The following TENT5D variants were observed in gnomAD, a reference collection of about 807,000 sequenced individuals.
TENT5D encodes cancer/testis antigen 112.
For missense variants in TENT5D, 191 were observed against 287.0 expected, an observed-to-expected ratio of 0.67 and a Z score of 2.42; for synonymous variants, 103 against 100.6, an observed-to-expected ratio of 1.02 and a Z score of -0.15.
chrX:80,394,869 G>C (rs1396957023), intron 3 of TENT5D, among the ~76,000 whole-genome samples: 1 of 111,437 alleles, frequency 9.0e-6, no homozygotes, highest in African/African-American at 3.3e-5. Context: ...TTTGTAGTGA[G>C]AATATTCAAA....
intron 3 of TENT5D, among the ~76,000 whole-genome samples, chrX:80,360,998 A>G (rs1209818066): frequency 9.0e-6 from 1 of 111,604 alleles, no homozygotes; most frequent in African/African-American, 3.3e-5. Flanking sequence ...CAAGTGCCAT[A>G]TACAATATTT....
intron 2 of TENT5D, among the ~76,000 whole-genome samples, chrX:80,439,074 A>G (rs1439925369): frequency 9.0e-6 from 1 of 111,559 alleles, no homozygotes; most frequent in Non-Finnish European, 1.9e-5. Context: ...AAGGATAAGT[A>G]TATTGGGAGA....
At chrX:80,382,981 C>T (rs947211524) in intron 3 of TENT5D, among the ~76,000 whole-genome samples, 6 of 111,851 alleles carry the variant, frequency 5.4e-5, no homozygotes, top group Admixed American at 9.5e-5. Flanking sequence ...TGCTTCAGCT[C>T]GCCTTCCATG....
chrX:80,430,374 CT>C (rs754089114), intron 1 of TENT5D, among the ~76,000 whole-genome samples: 5 of 111,226 alleles, frequency 4.5e-5, no homozygotes, highest in Non-Finnish European at 9.4e-5. Context: ...GATGATATGA[CT>C]GCTGGGAGCC....
At chrX:80,351,205 G>A (rs1324048563) in intron 3 of TENT5D, among the ~76,000 whole-genome samples, 3 of 110,467 alleles carry the variant, frequency 2.7e-5, no homozygotes, top group African/African-American at 9.9e-5. Flanking sequence ...GCTAGGTTGG[G>A]GAAGTTCTCC....
intron 3 of TENT5D, among the ~76,000 whole-genome samples, chrX:80,379,198 G>A (rs1391063442): frequency 9.6e-6 from 1 of 104,659 alleles, no homozygotes; most frequent in Non-Finnish European, 2.0e-5. Flanking sequence ...GCATTCTATT[G>A]AGATAATCAT....
intron 3 of TENT5D, among the ~76,000 whole-genome samples, chrX:80,350,542 C>T (rs749914148): frequency 9.0e-6 from 1 of 110,980 alleles, no homozygotes; most frequent in East Asian, 2.8e-4. Context: ...CTATCTGTGT[C>T]TTTGCACGTG....
At chrX:80,335,588 T>C (rs1929831123) in intron 1 of TENT5D, 1 of 111,996 alleles carries the variant, frequency 8.9e-6, no homozygotes, top group South Asian at 3.7e-4. Flanking sequence ...GCCAACCTTC[T>C]AGTTCTTTCT....
In TENT5D at chrX:80,347,237, C is replaced by T. The variant is rs749282433; in HGVS notation, c.-142+4673C>T. Among the ~76,000 whole-genome samples, 3 of 111,348 alleles carry T rather than the reference C, an allele frequency of 2.7e-5. No homozygotes were observed. The South Asian group carries it at 1.1e-3, about 42-fold the overall frequency. ...CAAATGGTATTCCTGGTTCTAGATC[C>T]TTGAGGAATTGCCACACTTTCTTCC... On this transcript the variant is annotated intron_variant, in intron 3 of 4. Transcript: ENST00000538312.
chrX:80,340,018 CTTGAG>C (rs1430180054), intron 2 of TENT5D, among the ~76,000 whole-genome samples: 2 of 109,795 alleles, frequency 1.8e-5, no homozygotes, highest in African/African-American at 6.6e-5. Flanking sequence ...TTTATTATTA[CTTGAG>C]TTGATTGATT....
At chrX:80,445,244 A>G (rs961542286) in exon 3 of TENT5D, 1 of 122,812 alleles carries the variant, frequency 8.1e-6, no homozygotes, top group Non-Finnish European at 1.9e-5. Flanking sequence ...AGGCTTTAAA[A>G]CACTATGGAC....
chrX:80,396,892 C>CA (rs1931262412), intron 3 of TENT5D, among the ~76,000 whole-genome samples: 1 of 88,607 alleles, frequency 1.1e-5, no homozygotes, highest in Non-Finnish European at 2.3e-5. Context: ...GGTGGCTGGC[C>CA]GGGCGGGGGG....
chrX:80,370,579 AT>A (rs1930605781), intron 3 of TENT5D, among the ~76,000 whole-genome samples: 1 of 112,276 alleles, frequency 8.9e-6, no homozygotes, highest in Non-Finnish European at 1.9e-5. Flanking sequence ...CTATTAAGTA[AT>A]ATTTTAACAT....
intron 3 of TENT5D, among the ~76,000 whole-genome samples, chrX:80,390,597 G>T (rs1194848536): frequency 6.3e-5 from 7 of 111,358 alleles, no homozygotes; most frequent in Non-Finnish European, 3.8e-5. Context: ...GTGAAAATGT[G>T]GTAAGATCAA....
chrX:80,342,790 A>G (rs753160163), intron 3 of TENT5D, among the ~76,000 whole-genome samples: 10 of 112,108 alleles, frequency 8.9e-5, no homozygotes, highest in African/African-American at 1.9e-4. Flanking sequence ...GTATGATTTC[A>G]ATAAGCAGTT....
chrX:80,357,110 C>T (rs1413877106), intron 3 of TENT5D, among the ~76,000 whole-genome samples: 1 of 112,075 alleles, frequency 8.9e-6, no homozygotes, highest in Non-Finnish European at 1.9e-5. Flanking sequence ...TTTCTGGCTG[C>T]ATAGTATTCT....
At chrX:80,443,392 C>T in exon 3 of TENT5D, 1 of 1,211,228 alleles carries the variant, frequency 8.3e-7, no homozygotes, top group Non-Finnish European at 1.1e-6. Flanking sequence ...ATCATACCTC[C>T]ACAACCATTT....
chrX:80,438,494 A>ATG (rs1421270527), intron 1 of TENT5D, 116 bp from the exon 2 acceptor site: 1 of 108,877 alleles, frequency 9.2e-6, no homozygotes, highest in African/African-American at 3.3e-5. Context: ...GTGTGTATGT[A>ATG]TGTATGTATG....
chrX:80,345,053 A>G (rs943865167), intron 3 of TENT5D, among the ~76,000 whole-genome samples: 4 of 111,622 alleles, frequency 3.6e-5, no homozygotes, highest in Admixed American at 1.9e-4. Context: ...CAATAAAATA[A>G]TGTTTATTTA....
Sources: gnomAD v4.1 joint callset for allele counts (sites outside exome capture counted in the v4.1 genomes callset) on GRCh38, gnomAD v4.1.1 for gene constraint, MANE v1.5 for transcripts, NCBI Gene and HGNC (gene_info 2026-07-23, HGNC 2026-07-21) for gene names.